The following MYRFL variants were observed in gnomAD, a reference collection of about 807,000 sequenced individuals.
The protein encoded by MYRFL is myelin regulatory factor like.
In MYRFL, 88 loss-of-function variants were observed where a neutral mutation model predicts 109.4. That is an observed-to-expected ratio of 0.80 (90% CI 0.68 to 0.96). The LOEUF is 0.96. Ranked by LOEUF, MYRFL falls within the 40% of genes least tolerant of loss-of-function variation. The pLI is 0.00. For synonymous variants in MYRFL, 324 were observed against 320.9 expected (o/e 1.01, Z -0.10); for missense variants, 957 against 954.9 (o/e 1.00, Z -0.03).
chr12:69,833,743 C>T (rs996275666), intron 1 of MYRFL, among the ~76,000 whole-genome samples: 1 of 149,368 alleles, frequency 6.7e-6, no homozygotes, highest in South Asian at 2.1e-4. Context: ...CCACTGTGCA[C>T]ATTGTCTTCT....
intron 1 of MYRFL, among the ~76,000 whole-genome samples, chr12:69,840,368 A>T (rs1883176166): frequency 1.3e-5 from 2 of 152,312 alleles, no homozygotes; most frequent in African/African-American, 4.8e-5. Context: ...CCCAGGTACA[A>T]ATTCACCTGA....
Position 69,899,501 on chromosome 12 carries a change from A to C in MYRFL, c.1182+2255A>C, listed in dbSNP as rs1592785164. On this transcript the variant is annotated intron_variant, in intron 10 of 24. Coordinates refer to ENST00000552032, the MANE Select transcript of MYRFL (RefSeq NM_182530.3). ...GGCCATGGCCTGGTTCTGTTAGTTT[A>C]AGCTCCGGAATGAAGAATGGGAAGA... Among the ~76,000 whole-genome samples the C allele has an allele frequency of 2.0e-5, 3 of 152,322 alleles. No individual in the cohort carries two copies. The East Asian group carries it at 5.8e-4, about 29-fold the overall frequency.
chr12:69,863,873 T>C (rs1269952152), intron 2 of MYRFL, among the ~76,000 whole-genome samples: 1 of 152,338 alleles, frequency 6.6e-6, no homozygotes, highest in Non-Finnish European at 1.5e-5. Context: ...CCACTGAAAA[T>C]GTCTTTATTT....
chr12:69,939,982 T>A (rs1090650), intron 19 of MYRFL, among the ~76,000 whole-genome samples: 2 of 151,896 alleles, frequency 1.3e-5, no homozygotes, highest in African/African-American at 4.8e-5. Flanking sequence ...TGAAATGAAG[T>A]GAGAAGGAAA....
chr12:69,877,409 C>A (rs542939612), intron 2 of MYRFL, among the ~76,000 whole-genome samples: 1 of 152,262 alleles, frequency 6.6e-6, no homozygotes, highest in South Asian at 2.1e-4. Flanking sequence ...CATGGTGACT[C>A]CTGCGTCCTG....
chr12:69,866,947 A>G (rs1161037435), intron 2 of MYRFL, among the ~76,000 whole-genome samples: 1 of 152,234 alleles, frequency 6.6e-6, no homozygotes, highest in African/African-American at 2.4e-5. Context: ...CAACTAGGTA[A>G]GAGAAACGGA....
At chr12:69,881,601 G>A (rs1336365229) in intron 5 of MYRFL, among the ~76,000 whole-genome samples, 1 of 152,218 alleles carries the variant, frequency 6.6e-6, no homozygotes. Context: ...GCCTTCTGTG[G>A]ATGATGACTT....
At chr12:69,949,575 C>T (rs922329501) in intron 19 of MYRFL, among the ~76,000 whole-genome samples, 5 of 152,062 alleles carry the variant, frequency 3.3e-5, no homozygotes, top group African/African-American at 4.8e-5. Flanking sequence ...CGGCCACATG[C>T]GGCCCAGGAC....
chr12:69,916,346 G>T (rs1374768052), intron 13 of MYRFL, among the ~76,000 whole-genome samples: 1 of 152,100 alleles, frequency 6.6e-6, no homozygotes, highest in Non-Finnish European at 1.5e-5. Flanking sequence ...TGGAAAAGAA[G>T]GGGGAAGACT....
intron 5 of MYRFL, among the ~76,000 whole-genome samples, chr12:69,885,422 G>GA (rs924777480): frequency 1.6e-4 from 24 of 152,180 alleles, no homozygotes; most frequent in African/African-American, 5.8e-4. Flanking sequence ...GTTTGAAGAT[G>GA]AAAAAACAAC....
At chr12:69,836,669 G>A (rs74101346) in intron 1 of MYRFL, among the ~76,000 whole-genome samples, 2,345 of 152,246 alleles carry the variant, frequency 0.015, 57 homozygotes, top group African/African-American at 0.054. Flanking sequence ...TCCTTAAGAA[G>A]CATTTGAAGA....
chr12:69,936,912 AG>A (rs2120486983), intron 19 of MYRFL, among the ~76,000 whole-genome samples: 1 of 152,352 alleles, frequency 6.6e-6, no homozygotes, highest in African/African-American at 2.4e-5. Context: ...TAGTAGCACA[AG>A]CGAAGTAATT....
At position 69,926,555 on chromosome 12, in the gene MYRFL, G is replaced by T; in HGVS notation, c.1603-16G>T. The T allele has an allele frequency of 6.8e-7, 1 of 1,478,680 alleles. No homozygotes were observed. Among genetic ancestry groups the T allele is most frequent in the South Asian group, 1.4e-5 (1 of 73,156 alleles). The allele number at this position is 1,478,680 out of a possible 1,614,324, so 91.6% of individuals were successfully genotyped here. ...AATTGTTAATTTATGCACTCTGTTT[G>T]ATTTTTCCCTTTTAGGACCAGATCT... On this transcript the variant is annotated splice_polypyrimidine_tract_variant and intron_variant, in intron 13 of 24. Coordinates refer to ENST00000552032, the MANE Select transcript of MYRFL (RefSeq NM_182530.3).
chr12:69,898,325 A>C (rs559481304), intron 10 of MYRFL, among the ~76,000 whole-genome samples: 4 of 152,224 alleles, frequency 2.6e-5, no homozygotes, highest in Non-Finnish European at 5.9e-5. Context: ...ATGGAGATGA[A>C]GTGATGATAG....
rs530496547 is a variant in MYRFL, at chr12:69,931,460, T to C, written c.1831-1053T>C. Among the ~76,000 whole-genome samples the C allele has an allele frequency of 5.4e-4, 82 of 152,290 alleles. 1 individual carries two copies. The South Asian group carries it at 0.013, about 24-fold the overall frequency. On this transcript the variant is annotated intron_variant, in intron 15 of 24. Coordinates refer to ENST00000552032, the MANE Select transcript of MYRFL (RefSeq NM_182530.3). The stretch of plus-strand genomic sequence containing the variant: ...TACTTGGTAAAAATGGTATAGTGAA[T>C]CCTATGCCCCTACCCTATGTTACAT...
intron 1 of MYRFL, among the ~76,000 whole-genome samples, chr12:69,832,299 A>G (rs546555229): frequency 1.3e-5 from 2 of 152,264 alleles, no homozygotes; most frequent in South Asian, 2.1e-4. Context: ...TTGTGTGATC[A>G]ACTTTCACAC....
At position 69,855,326 on chromosome 12, in the gene MYRFL, T is replaced by A. The variant is rs1197370435; in HGVS notation, c.93T>A (p.Ser31Arg). ...TGGAGAACCCAGCCCTGGACACAAG[T>A]CTGTTGGAGGAATTTCTGGGCAATG... ...GTLENPALDTSLLEEFLGNDF... is the reference protein window; with the variant it reads ...GTLENPALDTRLLEEFLGNDF... Residue 31 changes from serine to arginine, a missense_variant, in exon 2 of 25, where the codon AGT becomes AGA. Coordinates refer to ENST00000552032, the MANE Select transcript of MYRFL (RefSeq NM_182530.3). 1 of 702,704 alleles carries A rather than the reference T, an allele frequency of 1.4e-6. No homozygotes were observed. Among genetic ancestry groups the A allele is most frequent in the Admixed American group, 2.0e-5 (1 of 50,010 alleles). 43.5% of individuals were successfully genotyped at this position (702,704 alleles called of 1,614,324 possible). A position where few individuals can be genotyped will look rare whatever the true frequency, so the allele number is the denominator to read the frequency against.
intron 1 of MYRFL, among the ~76,000 whole-genome samples, chr12:69,836,244 A>G (rs905497799): frequency 5.3e-5 from 8 of 152,030 alleles, no homozygotes; most frequent in African/African-American, 1.9e-4. Flanking sequence ...TTCCTTCACC[A>G]ATGTGCTCCT....
intron 5 of MYRFL, 72 bp downstream of exon 5, chr12:69,880,364 G>C (rs1885996241): frequency 1.5e-6 from 1 of 666,826 alleles, no homozygotes; most frequent in Admixed American, 2.3e-5. Flanking sequence ...CTTTTTACCA[G>C]CCTTTGAGCA....
Sources: gnomAD v4.1 joint callset for allele counts (sites outside exome capture counted in the v4.1 genomes callset) on GRCh38, gnomAD v4.1.1 for gene constraint, MANE v1.5 for transcripts, NCBI Gene and HGNC (gene_info 2026-07-23, HGNC 2026-07-21) for gene names.